CACNA2D3: variants seen among roughly 807,000 people sequenced by gnomAD.
CACNA2D3 encodes voltage-dependent calcium channel subunit alpha-2/delta-3.
Under a neutral mutation model 160.6 loss-of-function variants are expected in CACNA2D3, and 60 were observed. The ratio of observed to expected loss-of-function variants is 0.37; its 90% CI spans 0.30 to 0.46. The LOEUF (loss-of-function observed/expected upper bound fraction) is 0.46. CACNA2D3 is among the 20% of genes least tolerant of loss of function. CACNA2D3 has a pLI of 1.00. For missense variants in CACNA2D3, 1,205 were observed against 1,365.0 expected (o/e 0.88, Z 1.85); for synonymous variants, 558 against 492.9 (o/e 1.13, Z -1.75).
intron 2 of CACNA2D3, among the ~76,000 whole-genome samples, chr3:54,190,418 G>A (rs532673332): frequency 6.6e-6 from 1 of 152,312 alleles, no homozygotes; most frequent in Non-Finnish European, 1.5e-5. Flanking sequence ...ACCTACTGAT[G>A]GTGGCTAAAA....
chr3:54,188,018 C>G (rs1045862619), intron 2 of CACNA2D3, among the ~76,000 whole-genome samples: 1 of 152,096 alleles, frequency 6.6e-6, no homozygotes, highest in African/African-American at 2.4e-5. Context: ...GAGTCGAACT[C>G]CAAAATAACT....
At chr3:54,259,238 C>G (rs1357534904) in intron 2 of CACNA2D3, among the ~76,000 whole-genome samples, 2 of 152,188 alleles carry the variant, frequency 1.3e-5, no homozygotes, top group Non-Finnish European at 2.9e-5. Context: ...ACCAGGTTGG[C>G]TAAGCTGATA....
At chr3:54,512,239 T>G (rs932936078) in intron 5 of CACNA2D3, among the ~76,000 whole-genome samples, 1 of 152,164 alleles carries the variant, frequency 6.6e-6, no homozygotes, top group Non-Finnish European at 1.5e-5. Flanking sequence ...GTGAATATAA[T>G]ATATCCTTGC....
intron 11 of CACNA2D3, among the ~76,000 whole-genome samples, chr3:54,736,263 CATT>C (rs1701529847): frequency 1.3e-5 from 2 of 150,754 alleles, no homozygotes; most frequent in Non-Finnish European, 2.9e-5. Flanking sequence ...TCGGCTTTGC[CATT>C]ATTTGTGATG....
chr3:55,010,054 A>G (rs4955828), intron 34 of CACNA2D3, among the ~76,000 whole-genome samples: 112,606 of 152,028 alleles, frequency 0.74, 42,406 homozygotes, highest in African/African-American at 0.84. Flanking sequence ...TAGCAAGTGA[A>G]TGTGTGTGTG....
intron 4 of CACNA2D3, among the ~76,000 whole-genome samples, chr3:54,484,305 G>A (rs554913658): frequency 3.3e-5 from 5 of 151,892 alleles, no homozygotes; most frequent in African/African-American, 4.8e-5. Context: ...CCCCCTCCCC[G>A]CGGACTGTAT....
At chr3:54,734,357 C>T (rs1248057532) in intron 11 of CACNA2D3, among the ~76,000 whole-genome samples, 2 of 152,282 alleles carry the variant, frequency 1.3e-5, no homozygotes, top group East Asian at 3.9e-4. Flanking sequence ...TCCCTCAGGG[C>T]CTCACACAAG....
At chr3:55,069,992 A>G (rs993969827) in intron 35 of CACNA2D3, among the ~76,000 whole-genome samples, 1 of 119,464 alleles carries the variant, frequency 8.4e-6, no homozygotes, top group Non-Finnish European at 1.7e-5. Flanking sequence ...TCTGTTGGTT[A>G]TCTTCACAGT....
rs572273176 is a variant in CACNA2D3 at position 54,261,866 on chromosome 3, G to A, written c.205-58576G>A. ...AGTGTTTGAAATCAGGTCAGTCCTG[G>A]AAAACATGGAATGCGTGGTCCCCAT... is the stretch of plus-strand genomic sequence containing the variant. On this transcript the variant is annotated intron_variant, in intron 2 of 37. Transcript: ENST00000474759. Among the ~76,000 whole-genome samples the A allele has an allele frequency of 9.9e-5, 15 of 152,256 alleles. No homozygotes were observed. In the South Asian group the frequency reaches 2.9e-3, roughly 29 times the overall value.
intron 10 of CACNA2D3, among the ~76,000 whole-genome samples, chr3:54,641,422 GT>G (rs1162849101): frequency 2.0e-5 from 3 of 152,174 alleles, no homozygotes. Context: ...GTTTTGTTAT[GT>G]AGATGAAGCC....
rs570235407 is a variant in CACNA2D3, at chr3:54,802,803, A to AC, written c.1381-14043dup. ...CCCCCAAGCAGCCTAACTGGGAGGC[A>AC]CCCCCCCAGTAGGGGCAGACTGACA... is the stretch of plus-strand genomic sequence containing the variant. On this transcript the variant is annotated intron_variant, in intron 13 of 37. Coordinates refer to ENST00000474759, the MANE Select transcript of CACNA2D3 (RefSeq NM_018398.3). 1.1e-4 allele frequency among the ~76,000 whole-genome samples: 17 copies of AC among 151,746 alleles called. 1 individual carries two copies. Among genetic ancestry groups the AC allele is most frequent in the Non-Finnish European group, 1.9e-4 (13 of 67,922 alleles).
At chr3:54,362,078 G>A (rs1462201842) in intron 3 of CACNA2D3, among the ~76,000 whole-genome samples, 3 of 152,138 alleles carry the variant, frequency 2.0e-5, no homozygotes, top group Non-Finnish European at 4.4e-5. Flanking sequence ...AGTAGGCATG[G>A]CACCCACCAT....
chr3:54,191,546 T>C (rs1700984259), intron 2 of CACNA2D3, among the ~76,000 whole-genome samples: 2 of 152,090 alleles, frequency 1.3e-5, no homozygotes, highest in South Asian at 2.1e-4. Context: ...GGCTGTTTTT[T>C]GTCTGTGTTT....
At chr3:54,270,194 A>C (rs1005060479) in intron 2 of CACNA2D3, among the ~76,000 whole-genome samples, 3 of 152,252 alleles carry the variant, frequency 2.0e-5, no homozygotes, top group Admixed American at 6.5e-5. Flanking sequence ...CTAGGTGCTG[A>C]ATTTGTAAAT....
intron 3 of CACNA2D3, among the ~76,000 whole-genome samples, chr3:54,350,624 A>G (rs1408596062): frequency 1.3e-5 from 2 of 152,212 alleles, no homozygotes; most frequent in African/African-American, 4.8e-5. Flanking sequence ...AAACATCTAG[A>G]AGTTTCAAGA....
At chr3:54,964,409 A>ATT (rs35654800) in intron 27 of CACNA2D3, among the ~76,000 whole-genome samples, 1 of 150,152 alleles carries the variant, frequency 6.7e-6, no homozygotes, top group African/African-American at 2.5e-5. Flanking sequence ...AGGAATGGTG[A>ATT]TTTTTTTTTT....
At chr3:54,805,249 T>G (rs1384580567) in intron 13 of CACNA2D3, among the ~76,000 whole-genome samples, 1 of 152,024 alleles carries the variant, frequency 6.6e-6, no homozygotes, top group African/African-American at 2.4e-5. Flanking sequence ...TTCAAAAAAT[T>G]AATGAATCCA....
chr3:54,569,814 T>C lies in CACNA2D3; in HGVS notation c.696T>C (p.Asp232=). Residue 232 remains aspartate (D), a synonymous_variant, in exon 7 of 38, where the codon GAT becomes GAC. Coordinates refer to ENST00000474759, the MANE Select transcript of CACNA2D3 (RefSeq NM_018398.3). ...TTCTAGGGATTAAATGGGAACCAGA[T>C]GAGAATGGAGTCATTGCCTTCGACT... is the stretch of plus-strand genomic sequence containing the variant. ...RQYPGIKWEP[D]ENGVIAFDCR... is the part of the protein sequence containing the mutation. The C allele has an allele frequency of 6.2e-7, 1 of 1,604,250 alleles. No individual in the cohort carries two copies. Among genetic ancestry groups the C allele is most frequent in the Non-Finnish European group, 8.5e-7 (1 of 1,174,878 alleles).
chr3:54,776,378 A>G (rs1301394165), intron 13 of CACNA2D3, among the ~76,000 whole-genome samples: 2 of 152,084 alleles, frequency 1.3e-5, no homozygotes, highest in Non-Finnish European at 2.9e-5. Context: ...AGCCAGGCAC[A>G]GTGGAATGTG....
Sources: gnomAD v4.1 joint callset for allele counts (sites outside exome capture counted in the v4.1 genomes callset) on GRCh38, gnomAD v4.1.1 for gene constraint, MANE v1.5 for transcripts, NCBI Gene and HGNC (gene_info 2026-07-23, HGNC 2026-07-21) for gene names.